The following DRC11 variants were observed in gnomAD, a reference collection of about 807,000 sequenced individuals.
DRC11 encodes dynein regulatory complex subunit 11.
At chr2:236,315,854 C>T in the DRC11 span, among the ~76,000 whole-genome samples, 1 of 151,944 alleles carries the variant, frequency 6.6e-6, no homozygotes, top group African/African-American at 2.4e-5. The surrounding 1 kb of genome is among the most constrained non-coding windows in gnomAD (Gnocchi z 5.1). Context: ...CGGAGGGCGG[C>T]GGGTTTGGGA....
the DRC11 span, among the ~76,000 whole-genome samples, chr2:236,308,231 G>A: frequency 1.3e-5 from 2 of 152,252 alleles, no homozygotes; most frequent in Non-Finnish European, 2.9e-5. This position sits in a 1 kb window ranked among gnomAD's most constrained non-coding sequence, Gnocchi z 6.0. Flanking sequence ...GCTTCTCTCA[G>A]TGTGGAACAC....
chr2:236,409,003 G>A, the DRC11 span: 20 of 695,048 alleles, frequency 2.9e-5, 1 homozygote, highest in African/African-American at 1.8e-4. Context: ...ACCTTCCCAC[G>A]ATGCGTGCTG....
At chr2:236,477,228 A>C in the DRC11 span, among the ~76,000 whole-genome samples, 3 of 152,224 alleles carry the variant, frequency 2.0e-5, no homozygotes, top group Non-Finnish European at 4.4e-5. Flanking sequence ...TTAACTACTA[A>C]TAACTGGTTG....
At chr2:236,501,193 C>T in the DRC11 span, among the ~76,000 whole-genome samples, 1 of 152,106 alleles carries the variant, frequency 6.6e-6, no homozygotes, top group Non-Finnish European at 1.5e-5. Context: ...CTCTTTTAAA[C>T]AACCAGTTCT....
At chr2:236,367,120 C>CTT in the DRC11 span, among the ~76,000 whole-genome samples, 1 of 150,494 alleles carries the variant, frequency 6.6e-6, no homozygotes, top group South Asian at 2.1e-4. The surrounding 1 kb of genome is among the most constrained non-coding windows in gnomAD (Gnocchi z 4.8). Context: ...ATGCCTGGCT[C>CTT]ACTGGTGCTT....
At chr2:236,331,080 G>T in the DRC11 span, among the ~76,000 whole-genome samples, 4 of 152,178 alleles carry the variant, frequency 2.6e-5, no homozygotes, top group African/African-American at 9.7e-5. The surrounding 1 kb of genome is among the most constrained non-coding windows in gnomAD (Gnocchi z 4.8). Flanking sequence ...ACCCAAATAA[G>T]TATATGTGTC....
the DRC11 span, among the ~76,000 whole-genome samples, chr2:236,344,154 C>G: frequency 6.6e-6 from 1 of 152,122 alleles, no homozygotes; most frequent in African/African-American, 2.4e-5. Context: ...GAATGTGGTG[C>G]ACTTAGCAGT....
chr2:236,353,434 C>A, the DRC11 span, among the ~76,000 whole-genome samples: 1 of 152,162 alleles, frequency 6.6e-6, no homozygotes, highest in African/African-American at 2.4e-5. This position sits in a 1 kb window ranked among gnomAD's most constrained non-coding sequence, Gnocchi z 5.0. Context: ...CAAACATTCA[C>A]CATCAGAATT....
the DRC11 span, among the ~76,000 whole-genome samples, chr2:236,394,327 C>A: frequency 5.3e-5 from 8 of 152,256 alleles, no homozygotes; most frequent in East Asian, 1.4e-3. This position sits in a 1 kb window ranked among gnomAD's most constrained non-coding sequence, Gnocchi z 7.0. Flanking sequence ...AAATGCAGCT[C>A]CAGTTTTCAA....
chr2:236,424,388 A>G, the DRC11 span, among the ~76,000 whole-genome samples: 1 of 152,128 alleles, frequency 6.6e-6, no homozygotes, highest in South Asian at 2.1e-4. Flanking sequence ...ATTAGTTTAA[A>G]TTTTTGAGTA....
chr2:236,468,958 T>C, the DRC11 span, among the ~76,000 whole-genome samples: 1 of 152,238 alleles, frequency 6.6e-6, no homozygotes, highest in African/African-American at 2.4e-5. Context: ...AACTATATTT[T>C]ACCTGAGTCT....
chr2:236,480,337 C>A, the DRC11 span, among the ~76,000 whole-genome samples: 7 of 152,094 alleles, frequency 4.6e-5, no homozygotes, highest in African/African-American at 1.7e-4. Flanking sequence ...TCTACCCTTT[C>A]TCAACTCCCT....
the DRC11 span, among the ~76,000 whole-genome samples, chr2:236,415,136 TC>T: frequency 6.6e-5 from 10 of 152,268 alleles, no homozygotes; most frequent in Admixed American, 3.3e-4. The surrounding 1 kb of genome is among the most constrained non-coding windows in gnomAD (Gnocchi z 5.7). Context: ...GTTGAAATAT[TC>T]AGATAGGATT....
At chr2:236,491,245 A>AATAT in the DRC11 span, among the ~76,000 whole-genome samples, 1 of 44,648 alleles carries the variant, frequency 2.2e-5, no homozygotes, top group Non-Finnish European at 5.2e-5. Flanking sequence ...ATATATACAC[A>AATAT]GTATATATAT....
chr2:236,380,618 T>C, the DRC11 span: 39 of 1,551,322 alleles, frequency 2.5e-5, no homozygotes, highest in East Asian at 6.6e-4. This position sits in a 1 kb window ranked among gnomAD's most constrained non-coding sequence, Gnocchi z 4.9. Flanking sequence ...TCTTTCTTTT[T>C]GCCTTTCTTT....
At chr2:236,417,943 G>A in the DRC11 span, among the ~76,000 whole-genome samples, 1 of 152,184 alleles carries the variant, frequency 6.6e-6, no homozygotes. Flanking sequence ...ATTCCATGGT[G>A]TATATGTGCC....
the DRC11 span, among the ~76,000 whole-genome samples, chr2:236,447,774 G>A: frequency 1.3e-5 from 2 of 151,340 alleles, no homozygotes; most frequent in Non-Finnish European, 2.9e-5. This position sits in a 1 kb window ranked among gnomAD's most constrained non-coding sequence, Gnocchi z 4.6. Flanking sequence ...CACGTGATGA[G>A]TTCCATTTTC....
the DRC11 span, among the ~76,000 whole-genome samples, chr2:236,352,135 G>A: frequency 2.6e-5 from 4 of 152,140 alleles, no homozygotes; most frequent in African/African-American, 2.4e-5. This position sits in a 1 kb window ranked among gnomAD's most constrained non-coding sequence, Gnocchi z 7.0. Context: ...GGCAGCAGCC[G>A]TGGATAGAAG....
chr2:236,396,250 T>C, the DRC11 span, among the ~76,000 whole-genome samples: 2 of 114,678 alleles, frequency 1.7e-5, no homozygotes, highest in Non-Finnish European at 3.2e-5. Context: ...CCTAAGAATG[T>C]GAAAAGCGAG....
Sources: allele counts gnomAD v4.1 joint callset (sites outside exome capture counted in the v4.1 genomes callset), GRCh38; gene constraint gnomAD v4.1.1; non-coding constraint Gnocchi (gnomAD v3.1); transcripts MANE v1.5; gene names NCBI Gene and HGNC (gene_info 2026-07-23, HGNC 2026-07-21).